The following PRKN variants were observed in gnomAD, a reference collection of about 807,000 sequenced individuals.
PRKN encodes the protein E3 ubiquitin-protein ligase parkin.
PRKN carries 56 observed loss-of-function variants against 59.5 expected under a neutral mutation model. The observed-to-expected ratio is 0.94, with a 90% CI of 0.76 to 1.18. The LOEUF is 1.18. PRKN is among the 50% of genes most tolerant of loss of function. The probability of loss-of-function intolerance (pLI) is 0.00; values close to 1 mark genes in which losing one functional copy is unlikely to be tolerated. For synonymous variants in PRKN, 250 were observed against 222.1 expected (o/e 1.13, Z -1.12); for missense variants, 657 against 596.4 (o/e 1.10, Z -1.06).
chr6:162,278,190 C>A (rs1455709044), intron 2 of PRKN, among the ~76,000 whole-genome samples: 3 of 152,010 alleles, frequency 2.0e-5, no homozygotes, highest in African/African-American at 4.8e-5. Flanking sequence ...TTGTATGATT[C>A]CAATTTGAAA....
At chr6:162,710,759 AC>A (rs1446308217) in intron 1 of PRKN, among the ~76,000 whole-genome samples, 3 of 152,036 alleles carry the variant, frequency 2.0e-5, no homozygotes, top group Non-Finnish European at 2.9e-5. Flanking sequence ...GCTACAAAGT[AC>A]TTTAAAAAAA....
At chr6:162,274,184 T>A (rs5006727) in intron 2 of PRKN, among the ~76,000 whole-genome samples, 10,797 of 142,846 alleles carry the variant, frequency 0.076, 1,045 homozygotes, top group East Asian at 0.49. Context: ...TTTATTAATG[T>A]ATTTATTTAT....
At chr6:162,706,730 T>C (rs1778352985) in intron 1 of PRKN, among the ~76,000 whole-genome samples, 1 of 152,184 alleles carries the variant, frequency 6.6e-6, no homozygotes, top group Non-Finnish European at 1.5e-5. Flanking sequence ...AACACACACA[T>C]GAGCACTCAA....
At chr6:161,842,316 T>C (rs1229759852) in intron 6 of PRKN, among the ~76,000 whole-genome samples, 1 of 151,832 alleles carries the variant, frequency 6.6e-6, no homozygotes, top group African/African-American at 2.4e-5. Context: ...AAACCTCGTC[T>C]TTACTAAAAA....
chr6:161,953,055 CAG>C (rs1780046454), intron 6 of PRKN, among the ~76,000 whole-genome samples: 1 of 152,218 alleles, frequency 6.6e-6, no homozygotes, highest in African/African-American at 2.4e-5. Flanking sequence ...ACACTCTAAA[CAG>C]AGTAAACATA....
chr6:162,080,785 T>A (rs753351474), intron 4 of PRKN, among the ~76,000 whole-genome samples: 1 of 152,072 alleles, frequency 6.6e-6, no homozygotes, highest in South Asian at 2.1e-4. Context: ...GGACTCTTCA[T>A]TTCATAAAAG....
chr6:161,757,597 G>A (rs1249023421), intron 7 of PRKN, among the ~76,000 whole-genome samples: 1 of 151,984 alleles, frequency 6.6e-6, no homozygotes, highest in East Asian at 1.9e-4. Context: ...CAGCACTTTG[G>A]GAGGCTGAGG....
rs1554251152 is a variant in PRKN, at chr6:161,352,771, ATTT to A, written c.1286-2563_1286-2561del. 7.7e-5 allele frequency among the ~76,000 whole-genome samples: 9 copies of A among 116,886 alleles called. No individual in the cohort carries two copies. The highest frequency in any genetic ancestry group is 8.4e-5 in the Admixed American group (1 of 11,854). 76.7% of individuals were successfully genotyped at this position (116,886 alleles called of 152,430 possible). A position where few individuals can be genotyped will look rare whatever the true frequency, so the allele number is the denominator to read the frequency against. On this transcript the variant is annotated intron_variant, in intron 11 of 11. Coordinates refer to ENST00000366898, the MANE Select transcript of PRKN (RefSeq NM_004562.3). The surrounding 1 kb of genome is among the most constrained non-coding windows in gnomAD (Gnocchi z 5.8). ...TGTGTGTGTGTATATATATATATATATTTTATTTTATTTTATTTTATTTTTTTG... is the reference window on the plus strand; with the variant it reads ...TGTGTGTGTGTATATATATATATATATATTTTATTTTATTTTATTTTTTTG...
At chr6:162,562,298 C>A (rs1282051774) in intron 1 of PRKN, among the ~76,000 whole-genome samples, 1 of 152,136 alleles carries the variant, frequency 6.6e-6, no homozygotes, top group African/African-American at 2.4e-5. Flanking sequence ...GCAGCAATAT[C>A]CAGGTACCAC....
chr6:161,783,702 A>T (rs1276720367), intron 7 of PRKN: 1 of 508,406 alleles, frequency 2.0e-6, no homozygotes, highest in Non-Finnish European at 3.9e-6. Context: ...CAAAATTGTC[A>T]CATTAAAAGC....
At chr6:162,297,311 C>G (rs7738783) in intron 2 of PRKN, among the ~76,000 whole-genome samples, 16,243 of 151,902 alleles carry the variant, frequency 0.11, 1,214 homozygotes, top group African/African-American at 0.2. Context: ...TCATCAATGG[C>G]ATCCGTTACA....
chr6:162,652,338 G>GTGT lies in PRKN; in HGVS notation c.7+75321_7+75323dup, dbSNP rs555340003. On this transcript the variant is annotated intron_variant, in intron 1 of 11. Transcript: ENST00000366898. ...TCAGCTCATTATGTACATACTTTCA[G>GTGT]TGTGTTCTTAACTGCTGCACTGTGC... is the stretch of plus-strand genomic sequence containing the variant. 5.3e-5 allele frequency among the ~76,000 whole-genome samples: 8 copies of GTGT among 152,252 alleles called. No homozygotes were observed. The South Asian group carries it at 1.7e-3, about 32-fold the overall frequency.
intron 9 of PRKN, among the ~76,000 whole-genome samples, chr6:161,412,085 CCTCACTCATTCCTCCA>C (rs1245754833): frequency 1.1e-4 from 16 of 149,902 alleles, no homozygotes; most frequent in Non-Finnish European, 1.3e-4. Context: ...CTCATTCCTT[CCTCACTCATTCCTCCA>C]CTCACTCATT....
chr6:161,531,935 CTT>C (rs1394899561), intron 9 of PRKN, among the ~76,000 whole-genome samples: 6 of 152,056 alleles, frequency 3.9e-5, no homozygotes, highest in African/African-American at 7.2e-5. Flanking sequence ...TAGAAAAAGT[CTT>C]TGCAAATACC....
chr6:161,692,609 A>T (rs1169999414), intron 7 of PRKN, among the ~76,000 whole-genome samples: 1 of 152,234 alleles, frequency 6.6e-6, no homozygotes, highest in African/African-American at 2.4e-5. Flanking sequence ...AGAAGCTACT[A>T]TAGGAAAAGT....
chr6:162,657,974 T>C (rs865859645), intron 1 of PRKN, among the ~76,000 whole-genome samples: 2 of 152,164 alleles, frequency 1.3e-5, no homozygotes, highest in Non-Finnish European at 2.9e-5. Flanking sequence ...TCTTAAAAAA[T>C]ATAATACTAT....
Position 161,442,508 on chromosome 6 carries a change from CCTT to C in PRKN, c.1084-55634_1084-55632del, listed in dbSNP as rs1308346692. ...TTCATCTTTTGGATAATTCACATGACCTTCTCCTTAGTGGGCGAGTACAAGAAG... is the reference window on the plus strand; with the variant it reads ...TTCATCTTTTGGATAATTCACATGACCTCCTTAGTGGGCGAGTACAAGAAG... On this transcript the variant is annotated intron_variant, in intron 9 of 11. Transcript: ENST00000366898. This position sits in a 1 kb window ranked among gnomAD's most constrained non-coding sequence, Gnocchi z 4.6. Among the ~76,000 whole-genome samples the C allele has an allele frequency of 1.3e-5, 2 of 152,216 alleles. No homozygotes were observed. Among genetic ancestry groups the C allele is most frequent in the Non-Finnish European group, 2.9e-5 (2 of 68,056 alleles).
At chr6:162,667,436 T>C (rs1779142921) in intron 1 of PRKN, among the ~76,000 whole-genome samples, 2 of 152,108 alleles carry the variant, frequency 1.3e-5, no homozygotes, top group African/African-American at 2.4e-5. Context: ...ATGTAGATTA[T>C]GACAAAAATG....
intron 1 of PRKN, among the ~76,000 whole-genome samples, chr6:162,706,327 A>G (rs1778338383): frequency 6.6e-6 from 1 of 152,184 alleles, no homozygotes; most frequent in Non-Finnish European, 1.5e-5. Flanking sequence ...TCAGTCACAA[A>G]GCTCACTTAG....
Sources: gnomAD v4.1 joint callset for allele counts (sites outside exome capture counted in the v4.1 genomes callset) on GRCh38, gnomAD v4.1.1 for gene constraint, Gnocchi (gnomAD v3.1) non-coding constraint, MANE v1.5 for transcripts, NCBI Gene and HGNC (gene_info 2026-07-23, HGNC 2026-07-21) for gene names.